The following RBFOX1 variants were observed in gnomAD, a reference collection of about 807,000 sequenced individuals.
RBFOX1 encodes the protein RNA binding protein fox-1 homolog 1.
A neutral mutation model predicts 57.7 loss-of-function variants in RBFOX1; 8 were observed. The observed-to-expected ratio is 0.14, with a 90% CI of 0.08 to 0.25. The LOEUF (loss-of-function observed/expected upper bound fraction) is 0.25. RBFOX1 is among the 10% of genes least tolerant of loss of function. The pLI is 1.00. For missense variants in RBFOX1, 611 were observed against 548.5 expected (o/e 1.11, Z -1.14); for synonymous variants, 326 against 222.4 (o/e 1.47, Z -4.15).
chr16:7,085,335 C>A (rs576161530), intron 4 of RBFOX1, among the ~76,000 whole-genome samples: 1 of 152,068 alleles, frequency 6.6e-6, no homozygotes. Flanking sequence ...GTAGACCTTA[C>A]CTTGCTGGAT....
intron 4 of RBFOX1, among the ~76,000 whole-genome samples, chr16:7,308,158 T>C (rs2096235440): frequency 6.6e-6 from 1 of 152,192 alleles, no homozygotes; most frequent in South Asian, 2.1e-4. Flanking sequence ...AATCTAGAGA[T>C]GGTTTATTTC....
chr16:7,082,706 G>T (rs567883605), intron 4 of RBFOX1, among the ~76,000 whole-genome samples: 1 of 152,276 alleles, frequency 6.6e-6, no homozygotes, highest in Non-Finnish European at 1.5e-5. Flanking sequence ...AAAGTTTAAA[G>T]TTGTATGCTG....
intron 2 of RBFOX1, among the ~76,000 whole-genome samples, chr16:6,438,830 G>C (rs1277322272): frequency 6.6e-6 from 1 of 152,100 alleles, no homozygotes; most frequent in Non-Finnish European, 1.5e-5. Flanking sequence ...TTCTGTGTGT[G>C]CTCACCACTG....
chr16:6,184,302 A>G (rs1021883365), intron 1 of RBFOX1, among the ~76,000 whole-genome samples: 1 of 152,174 alleles, frequency 6.6e-6, no homozygotes, highest in African/African-American at 2.4e-5. Flanking sequence ...ACATGACATC[A>G]TGCCCATTTA....
chr16:7,047,016 C>G (rs962214591), intron 3 of RBFOX1, among the ~76,000 whole-genome samples: 2 of 149,892 alleles, frequency 1.3e-5, no homozygotes, highest in South Asian at 2.1e-4. Context: ...TTAATGAACT[C>G]AAGAGTATAG....
chr16:6,866,841 T>A (rs1245434612), intron 3 of RBFOX1, among the ~76,000 whole-genome samples: 1 of 152,012 alleles, frequency 6.6e-6, no homozygotes, highest in African/African-American at 2.4e-5. Context: ...CGCGCCCAGC[T>A]AAAGGTTAGG....
intron 1 of RBFOX1, among the ~76,000 whole-genome samples, chr16:6,141,267 C>A (rs1436190057): frequency 6.6e-6 from 1 of 152,182 alleles, no homozygotes; most frequent in East Asian, 1.9e-4. Context: ...TTCTAATCCT[C>A]CCTAACACTT....
intron 2 of RBFOX1, among the ~76,000 whole-genome samples, chr16:6,611,984 C>G (rs570720888): frequency 7.3e-5 from 11 of 149,930 alleles, no homozygotes; most frequent in African/African-American, 2.4e-4. Context: ...TTTGGCCTCT[C>G]AGATCTCCCG....
chr16:6,866,106 C>G (rs1257687590), intron 3 of RBFOX1, among the ~76,000 whole-genome samples: 1 of 151,818 alleles, frequency 6.6e-6, no homozygotes, highest in African/African-American at 2.4e-5. Flanking sequence ...AAAATAATTC[C>G]CCTCTCCTTT....
chr16:6,798,111 A>G (rs888467670), intron 3 of RBFOX1, among the ~76,000 whole-genome samples: 2 of 152,130 alleles, frequency 1.3e-5, no homozygotes, highest in Non-Finnish European at 2.9e-5. Flanking sequence ...AACAGCATCT[A>G]GCACGCATTT....
At chr16:6,388,842 A>C (rs1422046514) in intron 2 of RBFOX1, among the ~76,000 whole-genome samples, 1 of 152,192 alleles carries the variant, frequency 6.6e-6, no homozygotes, top group East Asian at 1.9e-4. Context: ...AAACATACAA[A>C]TACACCATCT....
chr16:6,721,398 A>G (rs1296284215), intron 3 of RBFOX1, among the ~76,000 whole-genome samples: 1 of 152,192 alleles, frequency 6.6e-6, no homozygotes, highest in African/African-American at 2.4e-5. Context: ...AGCCGAGATC[A>G]TGCCACTGCA....
chr16:7,282,308 A>G (rs1418884696), intron 4 of RBFOX1, among the ~76,000 whole-genome samples: 2 of 152,204 alleles, frequency 1.3e-5, no homozygotes, highest in Non-Finnish European at 2.9e-5. Context: ...CCTGGATGCC[A>G]CAGTTACTTG....
At chr16:7,122,360 T>G (rs2067376166) in intron 4 of RBFOX1, among the ~76,000 whole-genome samples, 1 of 152,188 alleles carries the variant, frequency 6.6e-6, no homozygotes, top group East Asian at 1.9e-4. Flanking sequence ...TCACTTCACT[T>G]AGAGTATATT....
At chr16:6,256,210 T>TATATATAC (rs59798630) in intron 1 of RBFOX1, among the ~76,000 whole-genome samples, 2 of 59,384 alleles carry the variant, frequency 3.4e-5, no homozygotes, top group Non-Finnish European at 6.2e-5. Flanking sequence ...TATGTATATG[T>TATATATAC]GTATATATAT....
At chr16:6,691,920 G>C (rs1417974259) in intron 3 of RBFOX1, among the ~76,000 whole-genome samples, 1 of 152,066 alleles carries the variant, frequency 6.6e-6, no homozygotes, top group Non-Finnish European at 1.5e-5. Flanking sequence ...TTTGAATATG[G>C]AGGAAGGGGC....
intron 1 of RBFOX1, among the ~76,000 whole-genome samples, chr16:6,064,191 T>C (rs951498493): frequency 6.6e-6 from 1 of 152,168 alleles, no homozygotes; most frequent in Admixed American, 6.6e-5. Flanking sequence ...TCTTGCATTA[T>C]GAAAGGGGTT....
chr16:5,963,366 G>C (rs879739379), intron 4 of RBFOX1, among the ~76,000 whole-genome samples: 2 of 152,198 alleles, frequency 1.3e-5, no homozygotes, highest in Non-Finnish European at 2.9e-5. Context: ...AAGTTCTGGA[G>C]TGTTATACGC....
intron 2 of RBFOX1, among the ~76,000 whole-genome samples, chr16:6,334,156 A>G (rs1260375447): frequency 1.3e-5 from 2 of 152,154 alleles, no homozygotes; most frequent in South Asian, 2.1e-4. Flanking sequence ...GGCTAGTGGT[A>G]CTTGGAAAGA....
Sources: allele counts gnomAD v4.1 joint callset (sites outside exome capture counted in the v4.1 genomes callset), GRCh38; gene constraint gnomAD v4.1.1; transcripts MANE v1.5; gene names NCBI Gene and HGNC (gene_info 2026-07-23, HGNC 2026-07-21).